The following LRCH2 variants were observed in gnomAD, a reference collection of about 807,000 sequenced individuals.
The protein encoded by LRCH2 is leucine rich repeats and calponin homology domain containing 2, also known as leucine-rich repeat and calponin homology domain-containing protein 2.
Under a neutral mutation model 68.9 loss-of-function variants are expected in LRCH2, and 38 were observed. The observed-to-expected ratio is 0.55, with a 90% CI of 0.43 to 0.72. The LOEUF is 0.72. Ranked by LOEUF, LRCH2 falls within the 30% of genes least tolerant of loss-of-function variation. The probability of loss-of-function intolerance (pLI) is 0.00; values close to 1 mark genes in which losing one functional copy is unlikely to be tolerated. For synonymous variants in LRCH2, 191 were observed against 208.1 expected (o/e 0.92, Z 0.71); for missense variants, 528 against 572.9 (o/e 0.92, Z 0.80).
In LRCH2 at chrX:115,125,640, C is replaced by CATAT. The variant is rs200694086; in HGVS notation, c.1791+1199_1791+1202dup. On this transcript the variant is annotated intron_variant, in intron 16 of 20. Transcript: ENST00000317135. Reference sequence around the variant, plus strand: ...ATATGTATATATATACATATATATACATATATATATACACGTATATATATA... The same window carrying CATAT: ...ATATGTATATATATACATATATATACATATATATATATATACACGTATATATATA... Among the ~76,000 whole-genome samples the CATAT allele has an allele frequency of 8.7e-4, 62 of 71,175 alleles. 4 individuals are homozygous for CATAT. The highest frequency in any genetic ancestry group is 3.6e-3 in the African/African-American group (58 of 16,107). 61.8% of individuals were successfully genotyped at this position (71,175 alleles called of 115,157 possible).
chrX:115,217,719 T>C (rs930474944), intron 1 of LRCH2, among the ~76,000 whole-genome samples: 1 of 112,083 alleles, frequency 8.9e-6, no homozygotes, highest in Non-Finnish European at 1.9e-5. Flanking sequence ...AGTAGAATGA[T>C]TTATAATGCT....
chrX:115,129,096 T>C (rs374127106), intron 15 of LRCH2, among the ~76,000 whole-genome samples: 20 of 111,959 alleles, frequency 1.8e-4, no homozygotes, highest in African/African-American at 6.5e-4. Flanking sequence ...CAGCAGAAAT[T>C]CTAAGCAGGT....
At chrX:115,186,361 A>G (rs943670263) in intron 2 of LRCH2, among the ~76,000 whole-genome samples, 3 of 111,175 alleles carry the variant, frequency 2.7e-5, no homozygotes, top group Non-Finnish European at 5.7e-5. Context: ...AAAAAAAAAA[A>G]AATGCATATT....
At chrX:115,206,691 A>C (rs1556568333) in intron 1 of LRCH2, among the ~76,000 whole-genome samples, 1 of 111,475 alleles carries the variant, frequency 9.0e-6, no homozygotes. Flanking sequence ...TCAGCTCTGA[A>C]GGCTGTGAGA....
intron 20 of LRCH2, among the ~76,000 whole-genome samples, chrX:115,116,382 T>C (rs187554153): frequency 9.0e-6 from 1 of 110,962 alleles, no homozygotes; most frequent in Non-Finnish European, 1.9e-5. Context: ...TAAAAAGAAA[T>C]GAAGTACTGA....
Position 115,166,279 on chromosome X carries a change from T to G in LRCH2, c.1062A>C (p.Gly354=). The G allele has an allele frequency of 8.4e-7, 1 of 1,192,884 alleles. No homozygotes were observed. Among genetic ancestry groups the G allele is most frequent in the Non-Finnish European group, 1.1e-6 (1 of 880,870 alleles). Residue 354 remains glycine (G), a synonymous_variant, in exon 7 of 21, where the codon GGA becomes GGC. Coordinates refer to ENST00000317135, the MANE Select transcript of LRCH2 (RefSeq NM_020871.4). ...CTTCTGTTGTGGATAATCGTTTCTC[T>G]CCATTATCACTTCCAATTCCAGAGT... ...GPDSGIGSDN[G]EKRLSTTEPS...
intron 1 of LRCH2, among the ~76,000 whole-genome samples, chrX:115,217,945 A>AT (rs782217192): frequency 2.4e-3 from 268 of 111,688 alleles, no homozygotes; most frequent in Middle Eastern, 0.018. Flanking sequence ...ATGGTATCTC[A>AT]TTGTGGTTTT....
intron 1 of LRCH2, among the ~76,000 whole-genome samples, chrX:115,215,716 G>A (rs188720926): frequency 2.8e-3 from 271 of 97,153 alleles, no homozygotes; most frequent in African/African-American, 9.1e-3. Flanking sequence ...AGCCAAGATC[G>A]CACCACAAAA....
intron 1 of LRCH2, among the ~76,000 whole-genome samples, chrX:115,214,776 G>A (rs964134456): frequency 7.2e-5 from 8 of 111,548 alleles, no homozygotes; most frequent in Non-Finnish European, 1.3e-4. Flanking sequence ...CTAACCAGAG[G>A]GCAGATACGT....
At chrX:115,173,891 T>C (rs1174358095) in intron 5 of LRCH2, among the ~76,000 whole-genome samples, 1 of 112,214 alleles carries the variant, frequency 8.9e-6, no homozygotes, top group Non-Finnish European at 1.9e-5. Flanking sequence ...ATGGTAAATA[T>C]ATTTTCTCTT....
intron 1 of LRCH2, among the ~76,000 whole-genome samples, chrX:115,203,738 G>A (rs1358631531): frequency 5.3e-5 from 6 of 112,561 alleles, no homozygotes; most frequent in African/African-American, 9.7e-5. Context: ...AAGGCCTTGC[G>A]TAGCTCTACC....
intron 1 of LRCH2, among the ~76,000 whole-genome samples, chrX:115,211,349 C>A (rs2073005844): frequency 9.0e-6 from 1 of 111,486 alleles, no homozygotes; most frequent in South Asian, 3.8e-4. Context: ...AGGTTCCCTG[C>A]ACAAGCTCTC....
chrX:115,130,398 A>G (rs189149770), intron 14 of LRCH2, among the ~76,000 whole-genome samples, 199 bp from the exon 15 acceptor site: 6 of 112,225 alleles, frequency 5.3e-5, no homozygotes, highest in African/African-American at 6.5e-5. Context: ...AGGCATTGTT[A>G]TAAGTACTTT....
chrX:115,168,836 C>T (rs1478940443), intron 6 of LRCH2, among the ~76,000 whole-genome samples: 1 of 111,420 alleles, frequency 9.0e-6, no homozygotes, highest in Admixed American at 9.6e-5. Flanking sequence ...TATTCCCCCA[C>T]TTAAAACTGT....
intron 3 of LRCH2, 22 bp downstream of exon 3, chrX:115,184,389 T>A: frequency 1.8e-6 from 2 of 1,103,538 alleles, no homozygotes; most frequent in African/African-American, 3.7e-5. Context: ...ATTGCATTAA[T>A]TAATACAACT....
At chrX:115,175,179 C>T (rs1196620632) in intron 5 of LRCH2, among the ~76,000 whole-genome samples, 6 of 111,856 alleles carry the variant, frequency 5.4e-5, no homozygotes, top group African/African-American at 1.9e-4. Context: ...AATGATACCC[C>T]AAAATGAAAG....
chrX:115,147,398 C>T (rs782716286), intron 14 of LRCH2, among the ~76,000 whole-genome samples: 1 of 111,460 alleles, frequency 9.0e-6, no homozygotes, highest in Non-Finnish European at 1.9e-5. Context: ...ACTCATTTTA[C>T]TATGTCCTAA....
At chrX:115,188,926 T>C (rs2072755485) in intron 1 of LRCH2, among the ~76,000 whole-genome samples, 1 of 112,362 alleles carries the variant, frequency 8.9e-6, no homozygotes, top group East Asian at 2.8e-4. Flanking sequence ...TATTTGTCTT[T>C]TAAAATACCA....
chrX:115,171,665 C>CT (rs1192441929), intron 5 of LRCH2, among the ~76,000 whole-genome samples: 4 of 108,972 alleles, frequency 3.7e-5, no homozygotes, highest in African/African-American at 6.7e-5. Context: ...TCTACTTCTC[C>CT]TTTTTTTTGT....
Sources: gnomAD v4.1 joint callset for allele counts (sites outside exome capture counted in the v4.1 genomes callset) on GRCh38, gnomAD v4.1.1 for gene constraint, MANE v1.5 for transcripts, NCBI Gene and HGNC (gene_info 2026-07-23, HGNC 2026-07-21) for gene names.